Variants in TMEM196 observed in about 807,000 individuals in gnomAD.
TMEM196 encodes transmembrane protein 196.
In TMEM196, 17 loss-of-function variants were observed where a neutral mutation model predicts 20.0. The observed-to-expected ratio is 0.85, with a 90% CI of 0.58 to 1.27. The LOEUF (loss-of-function observed/expected upper bound fraction) is 1.27. Among genes scored for constraint, TMEM196 ranks in the 50% most tolerant of loss-of-function variants. The pLI is 0.00. For missense variants in TMEM196, 267 were observed against 223.0 expected (o/e 1.20, Z -1.26); for synonymous variants, 113 against 88.9 (o/e 1.27, Z -1.52).
chr7:19,737,878 A>G (rs1404400113), intron 1 of TMEM196, among the ~76,000 whole-genome samples: 6 of 152,138 alleles, frequency 3.9e-5, no homozygotes, highest in East Asian at 1.9e-4. Flanking sequence ...AGAACTTTAT[A>G]ACACAAAAAA....
chr7:19,724,379 A>G, intron 3 of TMEM196, 26 bp from the exon 4 acceptor site: 1 of 1,542,972 alleles, frequency 6.5e-7, no homozygotes, highest in South Asian at 1.2e-5. Flanking sequence ...CAATCATACA[A>G]TAAATATTGC....
intron 1 of TMEM196, among the ~76,000 whole-genome samples, chr7:19,750,976 G>T (rs1439929754): frequency 6.6e-6 from 1 of 152,184 alleles, no homozygotes; most frequent in Admixed American, 6.5e-5. Context: ...AAAATGTAAT[G>T]CATTCGAAGT....
At chr7:19,767,230 A>G (rs1171662027) in intron 1 of TMEM196, among the ~76,000 whole-genome samples, 1 of 152,110 alleles carries the variant, frequency 6.6e-6, no homozygotes, top group Admixed American at 6.5e-5. Flanking sequence ...TTTCTATTAT[A>G]CCACTATCAA....
At chr7:19,735,750 A>G (rs966214918) in intron 1 of TMEM196, among the ~76,000 whole-genome samples, 3 of 152,174 alleles carry the variant, frequency 2.0e-5, no homozygotes, top group African/African-American at 7.2e-5. Flanking sequence ...TGACAGGCCA[A>G]TCCTATTTTA....
chr7:19,746,433 T>A (rs1048029487), intron 1 of TMEM196, among the ~76,000 whole-genome samples: 1 of 152,222 alleles, frequency 6.6e-6, no homozygotes, highest in African/African-American at 2.4e-5. Context: ...TTCAAAGAAA[T>A]GTAGATGCTC....
At chr7:19,756,642 C>T (rs1785224314) in intron 1 of TMEM196, among the ~76,000 whole-genome samples, 1 of 141,830 alleles carries the variant, frequency 7.1e-6, no homozygotes, top group African/African-American at 2.6e-5. Flanking sequence ...AAAGTGAGCT[C>T]TTATTAAAAG....
chr7:19,761,148 T>C (rs984462886), intron 1 of TMEM196, among the ~76,000 whole-genome samples: 3 of 152,208 alleles, frequency 2.0e-5, no homozygotes, highest in African/African-American at 2.4e-5. Context: ...ACCTCCTCAG[T>C]GGTCTTGGCT....
Position 19,735,800 on chromosome 7 carries a change from T to G in TMEM196, c.148-6362A>C, listed in dbSNP as rs913315782. ...AAATGTTTCCCACATAATATTTAAC[T>G]ACTTCAGATGAAATAAGTTTCACTG... On this transcript the variant is annotated intron_variant, in intron 1 of 4. Coordinates refer to ENST00000405844, the MANE Select transcript of TMEM196 (RefSeq NM_001363562.2). Among the ~76,000 whole-genome samples, 11 of 152,296 alleles carry G rather than the reference T, an allele frequency of 7.2e-5. No homozygotes were observed. The East Asian group carries it at 2.1e-3, about 29-fold the overall frequency.
chr7:19,762,555 C>T (rs945756930), intron 1 of TMEM196, among the ~76,000 whole-genome samples: 5 of 151,900 alleles, frequency 3.3e-5, no homozygotes, highest in African/African-American at 1.2e-4. Context: ...TAGGTTATTC[C>T]AATTTACATC....
chr7:19,723,428 T>C (rs1783879969), intron 4 of TMEM196, among the ~76,000 whole-genome samples: 1 of 152,092 alleles, frequency 6.6e-6, no homozygotes, highest in East Asian at 1.9e-4. Flanking sequence ...AAAGTGAATC[T>C]GTTATATTAA....
At chr7:19,766,649 G>A (rs1785640142) in intron 1 of TMEM196, among the ~76,000 whole-genome samples, 1 of 151,334 alleles carries the variant, frequency 6.6e-6, no homozygotes, top group African/African-American at 2.4e-5. Context: ...GTAAAATGAT[G>A]GTTCAAACCC....
intron 1 of TMEM196, among the ~76,000 whole-genome samples, chr7:19,771,050 C>T (rs1421775217): frequency 2.0e-5 from 3 of 152,104 alleles, no homozygotes; most frequent in East Asian, 3.8e-4. Context: ...TGACATTACA[C>T]TTCATTTTGA....
At chr7:19,751,290 T>G (rs1461814529) in intron 1 of TMEM196, among the ~76,000 whole-genome samples, 1 of 152,236 alleles carries the variant, frequency 6.6e-6, no homozygotes, top group Non-Finnish European at 1.5e-5. Context: ...GGAACCGTAT[T>G]TATGCTCCAG....
chr7:19,732,602 G>A (rs1189041552), intron 1 of TMEM196, among the ~76,000 whole-genome samples: 1 of 143,296 alleles, frequency 7.0e-6, no homozygotes, highest in African/African-American at 2.6e-5. Flanking sequence ...AAAAAAAACG[G>A]AATGGAAGTG....
At chr7:19,764,062 G>T (rs1785533967) in intron 1 of TMEM196, among the ~76,000 whole-genome samples, 1 of 152,186 alleles carries the variant, frequency 6.6e-6, no homozygotes, top group African/African-American at 2.4e-5. Flanking sequence ...CCAGCTGTGA[G>T]ATTCACTGAA....
At chr7:19,729,093 A>G (rs1489602397) in intron 2 of TMEM196, among the ~76,000 whole-genome samples, 2 of 152,152 alleles carry the variant, frequency 1.3e-5, no homozygotes, top group African/African-American at 4.8e-5. Flanking sequence ...CAGTCTCCAG[A>G]TTGGAAAACT....
chr7:19,745,609 A>T (rs762043121), intron 1 of TMEM196, among the ~76,000 whole-genome samples: 4 of 151,460 alleles, frequency 2.6e-5, no homozygotes, highest in Non-Finnish European at 5.9e-5. Context: ...CAGCTAAAAT[A>T]AGTTAATATT....
intron 1 of TMEM196, among the ~76,000 whole-genome samples, chr7:19,732,719 C>G (rs1784257821): frequency 1.3e-5 from 2 of 151,718 alleles, no homozygotes; most frequent in African/African-American, 2.4e-5. Flanking sequence ...ACTGCAAGAC[C>G]ATTGTTAATT....
rs570766379 is a variant in TMEM196, at chr7:19,764,890, G to T, written c.147+7660C>A. ...ATCCTGCCTGGTCCATGTATTCAAG[G>T]GTGGGGAGCAAATAATGAGGTCAGG... is the stretch of plus-strand genomic sequence containing the variant. On this transcript the variant is annotated intron_variant, in intron 1 of 4. Coordinates refer to ENST00000405844, the MANE Select transcript of TMEM196 (RefSeq NM_001363562.2). Among the ~76,000 whole-genome samples, 6 of 152,134 alleles carry T rather than the reference G, an allele frequency of 3.9e-5. No individual in the cohort carries two copies. In the South Asian group the frequency reaches 1.2e-3, roughly 32 times the overall value.
Sources: allele counts gnomAD v4.1 joint callset (sites outside exome capture counted in the v4.1 genomes callset), GRCh38; gene constraint gnomAD v4.1.1; transcripts MANE v1.5; gene names NCBI Gene and HGNC (gene_info 2026-07-23, HGNC 2026-07-21).